Variants in GALNT7 observed in about 807,000 individuals in gnomAD.
GALNT7 encodes N-acetylgalactosaminyltransferase 7.
Under a neutral mutation model 82.1 loss-of-function variants are expected in GALNT7, and 60 were observed. The observed-to-expected ratio is 0.73, with a 90% CI of 0.59 to 0.91. The LOEUF is 0.91. Among genes scored for constraint, GALNT7 ranks in the 40% least tolerant of loss-of-function variants. GALNT7 has a pLI of 0.00. For missense variants in GALNT7, 660 were observed against 804.2 expected (o/e 0.82, Z 2.17); for synonymous variants, 243 against 275.1 (o/e 0.88, Z 1.15).
intron 2 of GALNT7, among the ~76,000 whole-genome samples, chr4:173,275,421 C>G (rs1443011847): frequency 6.6e-6 from 1 of 152,162 alleles, no homozygotes; most frequent in Non-Finnish European, 1.5e-5. Flanking sequence ...ATCCCACAGA[C>G]TATGGGAGTG....
At position 173,321,789 on chromosome 4, in the gene GALNT7, C is replaced by G. The variant is rs1578927736; in HGVS notation, c.*72C>G. 1.0e-6 allele frequency: 1 copy of G among 981,614 alleles called. No homozygotes were observed. Among genetic ancestry groups the G allele is most frequent in the East Asian group, 2.5e-5 (1 of 39,818 alleles). 60.8% of individuals were successfully genotyped at this position (981,614 alleles called of 1,614,324 possible). ...TACAGGACTGAAAACCGCCTGAAAC[C>G]TGCTGCAACTATTGTTATTAACTCT... On this transcript the variant is annotated 3_prime_UTR_variant, in exon 12 of 12. Coordinates refer to ENST00000265000, the MANE Select transcript of GALNT7 (RefSeq NM_017423.3).
chr4:173,199,644 C>T (rs1732880949), intron 1 of GALNT7, among the ~76,000 whole-genome samples: 1 of 152,144 alleles, frequency 6.6e-6, no homozygotes, highest in Admixed American at 6.5e-5. Flanking sequence ...TCTTACCCAG[C>T]AAAGAGATTA....
chr4:173,318,223 A>G (rs1343289258), intron 10 of GALNT7, among the ~76,000 whole-genome samples: 1 of 152,232 alleles, frequency 6.6e-6, no homozygotes, highest in Non-Finnish European at 1.5e-5. Flanking sequence ...CTTAGAGACT[A>G]AAGAACTTAA....
chr4:173,280,420 A>ATT (rs139644528), intron 2 of GALNT7, among the ~76,000 whole-genome samples: 4,713 of 152,256 alleles, frequency 0.031, 99 homozygotes, highest in South Asian at 0.069. Context: ...TTTGAAATCT[A>ATT]TTTTTTAAGT....
intron 1 of GALNT7, among the ~76,000 whole-genome samples, chr4:173,182,657 A>G (rs1032252495): frequency 4.8e-5 from 7 of 146,166 alleles, no homozygotes; most frequent in African/African-American, 1.6e-4. Context: ...CAGGTTACTC[A>G]TAATACACAC....
chr4:173,285,402 C>T (rs1736286347), intron 2 of GALNT7, among the ~76,000 whole-genome samples: 1 of 152,214 alleles, frequency 6.6e-6, no homozygotes, highest in South Asian at 2.1e-4. Context: ...CCAGACCATA[C>T]TAATTGTGAA....
chr4:173,293,970 CAG>C (rs1352207467), intron 3 of GALNT7, among the ~76,000 whole-genome samples: 1 of 152,194 alleles, frequency 6.6e-6, no homozygotes, highest in Non-Finnish European at 1.5e-5. Flanking sequence ...TCCTAGCCTG[CAG>C]TCAGTGGGTT....
At chr4:173,225,022 AAT>A (rs1561161722) in intron 1 of GALNT7, among the ~76,000 whole-genome samples, 4 of 5,782 alleles carry the variant, frequency 6.9e-4, no homozygotes, top group Non-Finnish European at 3.9e-3. Context: ...CTCAAAAAAT[AAT>A]AATAATAATA....
intron 1 of GALNT7, among the ~76,000 whole-genome samples, chr4:173,214,518 C>T (rs1413031922): frequency 6.6e-6 from 1 of 152,156 alleles, no homozygotes; most frequent in Admixed American, 6.5e-5. Context: ...ATTGAGTCTA[C>T]AGGGGACTGA....
intron 1 of GALNT7, among the ~76,000 whole-genome samples, chr4:173,227,524 G>T (rs1010645582): frequency 6.6e-6 from 1 of 152,052 alleles, no homozygotes; most frequent in Non-Finnish European, 1.5e-5. Context: ...GTAGAGACGG[G>T]GTTTCACCGT....
At chr4:173,308,762 G>A (rs1017824821) in intron 8 of GALNT7, among the ~76,000 whole-genome samples, 5 of 152,178 alleles carry the variant, frequency 3.3e-5, no homozygotes, top group Admixed American at 1.3e-4. Flanking sequence ...AATTAGCTGG[G>A]TGTGGTGGTG....
rs1331023696 is a variant in GALNT7 at position 173,183,043 on chromosome 4, A to AACACACACACACCAC, written c.126+14094_126+14095insCACACACACACACAC. ...AGGTTACTCATAATCCACACACATA[A>AACACACACACACCAC]ACACACACACACACACACACACACA... is the stretch of plus-strand genomic sequence containing the variant. On this transcript the variant is annotated intron_variant, in intron 1 of 11. Coordinates refer to ENST00000265000, the MANE Select transcript of GALNT7 (RefSeq NM_017423.3). Among the ~76,000 whole-genome samples the AACACACACACACCAC allele has an allele frequency of 8.6e-4, 108 of 125,092 alleles. 1 individual carries two copies. Among genetic ancestry groups the AACACACACACACCAC allele is most frequent in the African/African-American group, 3.0e-3 (104 of 34,178 alleles). 82.1% of individuals were successfully genotyped at this position (125,092 alleles called of 152,430 possible). A position where few individuals can be genotyped will look rare whatever the true frequency, so the allele number is the denominator to read the frequency against.
chr4:173,216,712 T>TATATAA (rs200323016), intron 1 of GALNT7, among the ~76,000 whole-genome samples: 40 of 21,278 alleles, frequency 1.9e-3, no homozygotes, highest in East Asian at 6.6e-3. Flanking sequence ...TATTCATATA[T>TATATAA]ATATATATAT....
At chr4:173,195,604 A>T (rs1732751078) in intron 1 of GALNT7, among the ~76,000 whole-genome samples, 1 of 152,228 alleles carries the variant, frequency 6.6e-6, no homozygotes, top group African/African-American at 2.4e-5. Context: ...GGAACACTAG[A>T]TCCTGAAGGT....
At chr4:173,280,869 T>C (rs1033435223) in intron 2 of GALNT7, among the ~76,000 whole-genome samples, 6 of 152,246 alleles carry the variant, frequency 3.9e-5, no homozygotes, top group African/African-American at 1.2e-4. Context: ...ACTACTTCTG[T>C]GTGCTCTACC....
intron 1 of GALNT7, among the ~76,000 whole-genome samples, chr4:173,172,016 A>G (rs1731892003): frequency 6.6e-6 from 1 of 152,238 alleles, no homozygotes; most frequent in African/African-American, 2.4e-5. Flanking sequence ...CCTGTGGGAA[A>G]GAATTTATTG....
In GALNT7 at chr4:173,191,372, G is replaced by C. The variant is rs142045400; in HGVS notation, c.126+22411G>C. 3.7e-3 allele frequency among the ~76,000 whole-genome samples: 566 copies of C among 152,290 alleles called. 3 individuals are homozygous for C. Among genetic ancestry groups the C allele is most frequent in the African/African-American group, 0.013 (534 of 41,548 alleles). On this transcript the variant is annotated intron_variant, in intron 1 of 11. Coordinates refer to ENST00000265000, the MANE Select transcript of GALNT7 (RefSeq NM_017423.3). ...GCCTTTAAGCAGCGAGCAAAAGGAT[G>C]TAAGTCTCTTCCGCCAGCCCTTCTG...
At chr4:173,226,714 C>T (rs563791481) in intron 1 of GALNT7, among the ~76,000 whole-genome samples, 26 of 152,216 alleles carry the variant, frequency 1.7e-4, no homozygotes, top group African/African-American at 4.6e-4. Flanking sequence ...TAGAGAAACA[C>T]GTCCACCTCC....
At chr4:173,265,171 G>A (rs10471199) in intron 2 of GALNT7, among the ~76,000 whole-genome samples, 27,338 of 152,128 alleles carry the variant, frequency 0.18, 5,040 homozygotes, top group African/African-American at 0.47. Context: ...TGGATTAGCT[G>A]GAGGACAGTC....
Sources: gnomAD v4.1 joint callset for allele counts (sites outside exome capture counted in the v4.1 genomes callset) on GRCh38, gnomAD v4.1.1 for gene constraint, MANE v1.5 for transcripts, NCBI Gene and HGNC (gene_info 2026-07-23, HGNC 2026-07-21) for gene names.